The following ATRNL1 variants were observed in gnomAD, a reference collection of about 807,000 sequenced individuals.
ATRNL1 encodes the protein attractin-like protein 1.
Under a neutral mutation model 182.7 loss-of-function variants are expected in ATRNL1, and 95 were observed. The observed-to-expected ratio is 0.52, with a 90% CI of 0.44 to 0.62. ATRNL1 has a LOEUF of 0.62. Ranked by LOEUF, ATRNL1 falls within the 20% of genes least tolerant of loss-of-function variation. The probability of loss-of-function intolerance (pLI) is 0.00; values close to 1 mark genes in which losing one functional copy is unlikely to be tolerated. For synonymous variants in ATRNL1, 576 were observed against 568.3 expected (o/e 1.01, Z -0.19); for missense variants, 1,471 against 1,679.5 (o/e 0.88, Z 2.17).
intron 5 of ATRNL1, among the ~76,000 whole-genome samples, chr10:115,130,704 G>T (rs192133468): frequency 6.6e-6 from 1 of 152,164 alleles, no homozygotes; most frequent in Admixed American, 6.5e-5. Context: ...AAAGTGCCTT[G>T]AGATGTAATT....
At chr10:115,210,064 T>C (rs1848961599) in intron 8 of ATRNL1, among the ~76,000 whole-genome samples, 1 of 152,000 alleles carries the variant, frequency 6.6e-6, no homozygotes, top group Admixed American at 6.6e-5. Flanking sequence ...GTTTATCAAG[T>C]AGTTAAGTGA....
intron 24 of ATRNL1, among the ~76,000 whole-genome samples, chr10:115,507,743 G>GTA (rs1234578770): frequency 6.6e-6 from 1 of 152,006 alleles, no homozygotes; most frequent in African/African-American, 2.4e-5. Flanking sequence ...CTTTTTAGTA[G>GTA]TAGTATTGTA....
At chr10:115,461,435 A>G (rs1554969650) in intron 21 of ATRNL1, among the ~76,000 whole-genome samples, 1 of 152,116 alleles carries the variant, frequency 6.6e-6, no homozygotes, top group Non-Finnish European at 1.5e-5. Context: ...TACTAAAAGT[A>G]GAAGTGAACA....
intron 28 of ATRNL1, among the ~76,000 whole-genome samples, chr10:115,935,888 G>A (rs1953541544): frequency 6.6e-6 from 1 of 152,054 alleles, no homozygotes; most frequent in East Asian, 1.9e-4. Context: ...TTCCTAGTGA[G>A]TGGACAACAC....
intron 24 of ATRNL1, among the ~76,000 whole-genome samples, chr10:115,492,789 G>A (rs976623613): frequency 3.3e-5 from 5 of 151,180 alleles, no homozygotes; most frequent in East Asian, 1.9e-4. Flanking sequence ...GACTACAGGC[G>A]CCTGCCACCA....
chr10:115,330,661 T>C (rs1554934764), intron 18 of ATRNL1, among the ~76,000 whole-genome samples: 1 of 149,628 alleles, frequency 6.7e-6, no homozygotes, highest in Non-Finnish European at 1.5e-5. Flanking sequence ...AATTCCTTTA[T>C]GTGTTATTTG....
chr10:115,914,833 C>T (rs1237181635), intron 28 of ATRNL1, among the ~76,000 whole-genome samples: 1 of 152,106 alleles, frequency 6.6e-6, no homozygotes, highest in African/African-American at 2.4e-5. Context: ...AGTTCTGTGT[C>T]CTTGGCAAAG....
chr10:115,808,452 G>C (rs1555086141), intron 27 of ATRNL1, among the ~76,000 whole-genome samples: 1 of 152,006 alleles, frequency 6.6e-6, no homozygotes, highest in Non-Finnish European at 1.5e-5. Flanking sequence ...CTTGTTTCTA[G>C]TTTGGAGCTA....
At chr10:115,471,421 AC>A (rs1223773496) in intron 24 of ATRNL1, among the ~76,000 whole-genome samples, 1 of 150,868 alleles carries the variant, frequency 6.6e-6, no homozygotes, top group Non-Finnish European at 1.5e-5. Context: ...GAATCTTCAT[AC>A]GGCTTTACAT....
At chr10:115,633,204 C>A (rs1472571231) in intron 26 of ATRNL1, among the ~76,000 whole-genome samples, 1 of 152,182 alleles carries the variant, frequency 6.6e-6, no homozygotes, top group Non-Finnish European at 1.5e-5. Context: ...AGCCACTACA[C>A]CTGGCCTAAA....
At chr10:115,500,744 TTGG>T (rs1424001706) in intron 24 of ATRNL1, among the ~76,000 whole-genome samples, 1 of 151,572 alleles carries the variant, frequency 6.6e-6, no homozygotes, top group African/African-American at 2.4e-5. Context: ...TTTCTCCATG[TTGG>T]TCAGGCTGGT....
chr10:115,881,100 G>C (rs1033384796), intron 28 of ATRNL1, among the ~76,000 whole-genome samples: 24 of 152,184 alleles, frequency 1.6e-4, no homozygotes, highest in African/African-American at 5.3e-4. Flanking sequence ...GGGACTTCAG[G>C]CTCTCTCTAT....
chr10:115,173,931 T>A (rs1359361670), intron 8 of ATRNL1, among the ~76,000 whole-genome samples: 1 of 27,314 alleles, frequency 3.7e-5, no homozygotes, highest in Non-Finnish European at 6.7e-5. Flanking sequence ...TTTCTGTACA[T>A]GTCTTGTATT....
At chr10:115,925,310 A>G (rs2134575229) in intron 28 of ATRNL1, among the ~76,000 whole-genome samples, 1 of 152,286 alleles carries the variant, frequency 6.6e-6, no homozygotes, top group African/African-American at 2.4e-5. Flanking sequence ...GAGAGAGGGC[A>G]AAATATAAAG....
intron 13 of ATRNL1, among the ~76,000 whole-genome samples, chr10:115,268,964 A>G: frequency 6.6e-6 from 1 of 152,182 alleles, no homozygotes; most frequent in East Asian, 1.9e-4. Context: ...TTTTGCAGAG[A>G]CATTTTGGTT....
At chr10:115,481,011 A>G (rs1410224381) in intron 24 of ATRNL1, among the ~76,000 whole-genome samples, 7 of 150,806 alleles carry the variant, frequency 4.6e-5, no homozygotes, top group Admixed American at 4.6e-4. Flanking sequence ...ATTTCTTTAT[A>G]TTATAAATTT....
chr10:115,281,931 T>C (rs1286701984), intron 14 of ATRNL1, among the ~76,000 whole-genome samples: 2 of 147,774 alleles, frequency 1.4e-5, no homozygotes, highest in East Asian at 2.0e-4. Flanking sequence ...TTATATATTA[T>C]ATATTTTGCC....
intron 26 of ATRNL1, among the ~76,000 whole-genome samples, chr10:115,716,074 G>A (rs374437413): frequency 6.6e-6 from 1 of 152,070 alleles, no homozygotes; most frequent in Admixed American, 6.6e-5. Flanking sequence ...TCAAACAATT[G>A]AAATTCATTT....
chr10:115,302,943 G>A (rs920581534), intron 17 of ATRNL1, among the ~76,000 whole-genome samples: 2 of 137,230 alleles, frequency 1.5e-5, no homozygotes, highest in East Asian at 1.9e-4. Flanking sequence ...TGACACTGAC[G>A]CTCATCAAAA....
Sources: allele counts gnomAD v4.1 joint callset (sites outside exome capture counted in the v4.1 genomes callset), GRCh38; gene constraint gnomAD v4.1.1; transcripts MANE v1.5; gene names NCBI Gene and HGNC (gene_info 2026-07-23, HGNC 2026-07-21).